Variants in CTBP1 observed in about 807,000 individuals in gnomAD.
CTBP1 encodes the protein C-terminal-binding protein 1.
CTBP1 carries 11 observed loss-of-function variants against 42.1 expected under a neutral mutation model. The observed-to-expected ratio is 0.26, with a 90% confidence interval of 0.16 to 0.43. The LOEUF is 0.43. Ranked by LOEUF, CTBP1 falls within the 20% of genes least tolerant of loss-of-function variation. The probability of loss-of-function intolerance (pLI) is 1.00; values close to 1 mark genes in which losing one functional copy is unlikely to be tolerated. For missense variants in CTBP1, 399 were observed against 624.3 expected (o/e 0.64, Z 3.85); for synonymous variants, 324 against 277.1 (o/e 1.17, Z -1.68).
intron 1 of CTBP1, chr4:1,248,594 G>GGCTGGGGTCGGTGGA (rs1733012769): frequency 1.2e-6 from 1 of 813,916 alleles, no homozygotes; most frequent in Non-Finnish European, 1.5e-6. Context: ...GGTCCGACGG[G>GGCTGGGGTCGGTGGA]GCTGGGGTCG....
At position 1,248,944 on chromosome 4, in the gene CTBP1, C is replaced by A. The variant is rs1016682824; in HGVS notation, c.-217G>T. On this transcript the variant is annotated 5_prime_UTR_variant, in exon 1 of 10. Coordinates refer to ENST00000382952, the MANE Select transcript of CTBP1 (RefSeq NM_001012614.2). ...GCGGCAGGCCCTTGTTGAGCAAGTG[C>A]GAGCTGCCCATCGAGAGGCGCGAGC... The A allele has an allele frequency of 2.0e-6, 2 of 1,010,096 alleles. No homozygotes were observed. The highest frequency in any genetic ancestry group is 1.8e-5 in the African/African-American group (1 of 56,290). The allele number at this position is 1,010,096 out of a possible 1,614,324, so 62.6% of individuals were successfully genotyped here. A position where few individuals can be genotyped will look rare whatever the true frequency, so the allele number is the denominator to read the frequency against.
intron 3 of CTBP1, chr4:1,236,188 C>G (rs964277216): frequency 1.2e-5 from 2 of 168,574 alleles, no homozygotes; most frequent in African/African-American, 4.8e-5. Context: ...CTGGCCCTAT[C>G]CTGTGAGCTC....
rs13109846 is a variant in CTBP1, at chr4:1,236,847, C to T, written c.162+1336G>A. ...CTCCTGATGGGGCTCAGGACAAACC[C>T]GGTGTCCACCTCCTGATGGGGCTCA... On this transcript the variant is annotated intron_variant, in intron 3 of 9. Transcript: ENST00000382952. 1,961 of 621,122 alleles carry T rather than the reference C, an allele frequency of 3.2e-3. 7 individuals carry two copies. Among genetic ancestry groups the T allele is most frequent in the Non-Finnish European group, 4.4e-3 (1,548 of 349,072 alleles). 38.5% of individuals were successfully genotyped at this position (621,122 alleles called of 1,614,324 possible).
chr4:1,216,323 AC>A, intron 5 of CTBP1, 118 bp from the exon 6 acceptor site: 1 of 1,062,022 alleles, frequency 9.4e-7, no homozygotes, highest in Non-Finnish European at 1.3e-6. Flanking sequence ...CAAGGATGAC[AC>A]CAGCTGTGGT....
In CTBP1 at chr4:1,225,434, C is replaced by T. The variant is rs1161172088; in HGVS notation, c.440G>A (p.Ser147Asn). The T allele has an allele frequency of 1.9e-6, 3 of 1,552,224 alleles. No individual in the cohort carries two copies. Among genetic ancestry groups the T allele is most frequent in the Non-Finnish European group, 2.6e-6 (3 of 1,152,018 alleles). Residue 147 changes from serine to asparagine, a missense_variant, in exon 5 of 10, where the codon AGC (serine) becomes AAC (asparagine). Ser to Asn is a conservative substitution (Grantham distance 46). Coordinates refer to ENST00000382952, the MANE Select transcript of CTBP1 (RefSeq NM_001012614.2). ...CGCCACCTCGCGGATCTGCTCGACG[C>T]TCTGGACTCGTGTGCCCTCCCGCAG... Reference protein sequence around the residue: ...QALREGTRVQSVEQIREVASG... With the variant: ...QALREGTRVQNVEQIREVASG...
chr4:1,234,668 T>C (rs1731301147), intron 3 of CTBP1: 1 of 152,252 alleles, frequency 6.6e-6, no homozygotes, highest in Non-Finnish European at 1.5e-5. Context: ...TGTTTGAGTA[T>C]TGTTTACGAC....
intron 1 of CTBP1, chr4:1,245,206 G>A: frequency 1.0e-6 from 1 of 985,470 alleles, no homozygotes; most frequent in Non-Finnish European, 1.2e-6. Context: ...GCACTCCACG[G>A]GGCCTGCAGG....
intron 5 of CTBP1, among the ~76,000 whole-genome samples, chr4:1,222,044 T>C (rs1330819738): frequency 6.6e-6 from 1 of 152,112 alleles, no homozygotes; most frequent in African/African-American, 2.4e-5. Context: ...CACACGCGGA[T>C]TCCACGCTAA....
intron 4 of CTBP1, among the ~76,000 whole-genome samples, chr4:1,227,390 CGTGTTCTGTGT>C (rs1279162307): frequency 4.9e-5 from 7 of 142,212 alleles, no homozygotes; most frequent in South Asian, 2.2e-4. Flanking sequence ...TGCAGATGTG[CGTGTTCTGTGT>C]GTGTTCTGTG....
intron 1 of CTBP1, chr4:1,243,719 C>T (rs914385146): frequency 1.8e-5 from 18 of 985,356 alleles, no homozygotes; most frequent in Non-Finnish European, 2.2e-5. Context: ...GCTGGCCGGT[C>T]AGGGTCAAGG....
chr4:1,234,063 C>G (rs1460009756), intron 3 of CTBP1, among the ~76,000 whole-genome samples: 1 of 152,178 alleles, frequency 6.6e-6, no homozygotes, highest in Non-Finnish European at 1.5e-5. Flanking sequence ...AGGGAGAGGC[C>G]CTGCTCCCCT....
chr4:1,228,450 C>T, intron 3 of CTBP1, 107 bp from the exon 4 acceptor site: 1 of 1,398,726 alleles, frequency 7.1e-7, no homozygotes, highest in Non-Finnish European at 9.7e-7. Context: ...GGCCCTCAGG[C>T]TTGTTCCCCA....
intron 5 of CTBP1, among the ~76,000 whole-genome samples, chr4:1,224,814 C>T (rs940073282): frequency 1.4e-5 from 2 of 147,790 alleles, no homozygotes; most frequent in Admixed American, 1.4e-4. Flanking sequence ...TGTGTGCGCC[C>T]GTGAGGTCAT....
At position 1,239,879 on chromosome 4, in the gene CTBP1, C is replaced by T. The variant is rs116481188; in HGVS notation, c.7+1446G>A. ...CGCCTGTTCCTTCATTCCCTCTGGACGGGAGCTGCCCACGAGCACCATAGA... is the reference window on the plus strand; with the variant it reads ...CGCCTGTTCCTTCATTCCCTCTGGATGGGAGCTGCCCACGAGCACCATAGA... On this transcript the variant is annotated intron_variant, in intron 2 of 9. Transcript: ENST00000382952. Among the ~76,000 whole-genome samples, 561 of 152,362 alleles carry T rather than the reference C, an allele frequency of 3.7e-3. 3 individuals are homozygous for T. Among genetic ancestry groups the T allele is most frequent in the African/African-American group, 0.012 (507 of 41,572 alleles).
At position 1,216,039 on chromosome 4, in the gene CTBP1, G is replaced by A. The variant is rs139911392; in HGVS notation, c.681C>T (p.Gly227=). 2.0e-4 allele frequency: 328 copies of A among 1,611,694 alleles called. No individual in the cohort carries two copies. The African/African-American group carries it at 3.9e-3, about 19-fold the overall frequency. The change falls in exon 6 of 10, where the codon GGC becomes GGT. Residue 227 remains glycine, a synonymous_variant. Coordinates refer to ENST00000382952, the MANE Select transcript of CTBP1 (RefSeq NM_001012614.2). ...TGAGGTGGTGGTTGTGCTCGTTGAG[G>A]CCGCAGTGCAGGGTCACGCAGTCGC... ...FHSDCVTLHC[G]LNEHNHHLIN...
At chr4:1,229,516 C>T (rs557440384) in intron 3 of CTBP1, among the ~76,000 whole-genome samples, 13 of 152,362 alleles carry the variant, frequency 8.5e-5, no homozygotes, top group South Asian at 4.1e-4. Context: ...GTACTCCTGA[C>T]GGATCAATGG....
Position 1,241,481 on chromosome 4 carries a change from G to A in CTBP1, c.-150C>T, listed in dbSNP as rs766104265. 101 of 1,603,836 alleles carry A rather than the reference G, an allele frequency of 6.3e-5. No individual in the cohort carries two copies. The highest frequency in any genetic ancestry group is 1.6e-4 in the Middle Eastern group (1 of 6,076). On this transcript the variant is annotated 5_prime_UTR_variant, in exon 2 of 10. Transcript: ENST00000382952. Reference sequence around the variant, plus strand: ...GCCAAAGTGCTCAGGCTTCTGATCCGCGGCAATCACTGAAGCCTGCGTCGG... The same window carrying A: ...GCCAAAGTGCTCAGGCTTCTGATCCACGGCAATCACTGAAGCCTGCGTCGG...
intron 1 of CTBP1, 47 bp downstream of exon 1, chr4:1,248,869 G>GCCCCGC (rs1209278119): frequency 2.2e-5 from 7 of 319,324 alleles, no homozygotes; most frequent in Non-Finnish European, 3.0e-5. Flanking sequence ...CACCCGCCCC[G>GCCCCGC]CCCCGCCCCC....
intron 1 of CTBP1, among the ~76,000 whole-genome samples, chr4:1,248,176 G>A (rs1577089069): frequency 6.6e-6 from 1 of 151,964 alleles, no homozygotes; most frequent in African/African-American, 2.4e-5. Context: ...CTGCTTCCGC[G>A]GCCGCAGCCC....
Sources: gnomAD v4.1 joint callset for allele counts (sites outside exome capture counted in the v4.1 genomes callset) on GRCh38, gnomAD v4.1.1 for gene constraint, MANE v1.5 for transcripts, NCBI Gene and HGNC (gene_info 2026-07-23, HGNC 2026-07-21) for gene names.